The following PLCB1 variants were observed in gnomAD, a reference collection of about 807,000 sequenced individuals.
PLCB1 encodes the protein phospholipase C beta 1.
PLCB1 carries 46 observed loss-of-function variants against 161.8 expected under a neutral mutation model. The ratio of observed to expected loss-of-function variants is 0.28; its 90% CI spans 0.22 to 0.36. The LOEUF (loss-of-function observed/expected upper bound fraction) is 0.36. PLCB1 is among the 10% of genes least tolerant of loss of function. The pLI, the probability that PLCB1 is intolerant of heterozygous loss-of-function variation, is 1.00. For missense variants in PLCB1, 1,016 were observed against 1,472.5 expected (o/e 0.69, Z 5.07); for synonymous variants, 517 against 503.7 (o/e 1.03, Z -0.35).
At chr20:8,802,903 C>T (rs1045618938) in intron 31 of PLCB1, among the ~76,000 whole-genome samples, 4 of 152,154 alleles carry the variant, frequency 2.6e-5, no homozygotes, top group African/African-American at 4.8e-5. Flanking sequence ...TAGCATAAGC[C>T]ATTCCAAAGA....
chr20:8,730,978 C>G (rs910925963), intron 18 of PLCB1, among the ~76,000 whole-genome samples: 1 of 151,762 alleles, frequency 6.6e-6, no homozygotes, highest in African/African-American at 2.4e-5. Flanking sequence ...TTTTTAGACA[C>G]ACAAAGACAG....
chr20:8,531,204 A>G (rs1984798994), intron 3 of PLCB1, among the ~76,000 whole-genome samples: 2 of 152,082 alleles, frequency 1.3e-5, no homozygotes, highest in South Asian at 4.1e-4. Context: ...ATTGTTAACA[A>G]TTATTCAGAC....
At chr20:8,650,764 A>T (rs1271298733) in intron 7 of PLCB1, among the ~76,000 whole-genome samples, 3 of 152,220 alleles carry the variant, frequency 2.0e-5, no homozygotes, top group African/African-American at 7.2e-5. Flanking sequence ...TGTATAAGCT[A>T]TGTAAGCAAT....
Position 8,541,600 on chromosome 20 carries a change from G to GAAAGAAAGAAAGAAAGAAAT in PLCB1, c.247-86686_247-86685insAAAGAAAGAAATAAAGAAAG, listed in dbSNP as rs1292981718. Among the ~76,000 whole-genome samples the GAAAGAAAGAAAGAAAGAAAT allele has an allele frequency of 4.6e-3, 698 of 150,760 alleles. 10 individuals are homozygous for GAAAGAAAGAAAGAAAGAAAT. Among genetic ancestry groups the GAAAGAAAGAAAGAAAGAAAT allele is most frequent in the East Asian group, 0.012 (62 of 5,090 alleles). Reference sequence around the variant, plus strand: ...AGAAAGAAAGAAAGAAAGAAAGAAAGAAAGAAAGGAAGGAAGATAGTAATG... The same window carrying GAAAGAAAGAAAGAAAGAAAT: ...AGAAAGAAAGAAAGAAAGAAAGAAAGAAAGAAAGAAAGAAAGAAATAAAGAAAGGAAGGAAGATAGTAATG... On this transcript the variant is annotated intron_variant, in intron 3 of 31. Coordinates refer to ENST00000338037, the MANE Select transcript of PLCB1 (RefSeq NM_015192.4).
intron 3 of PLCB1, among the ~76,000 whole-genome samples, chr20:8,417,701 AT>A (rs1330248370): frequency 6.6e-5 from 10 of 152,208 alleles, no homozygotes; most frequent in Non-Finnish European, 1.3e-4. Context: ...TTGACTTGCT[AT>A]TTTATTCCTG....
chr20:8,649,419 T>A lies in PLCB1; in HGVS notation c.564T>A (p.Ala188=), dbSNP rs775374724. The change falls in exon 7 of 32, where the codon GCT becomes GCA. Residue 188 remains alanine (A), a synonymous_variant. Transcript: ENST00000338037. ...CAGATCGGAAGCGAGTTGAAACTGC[T>A]TTAGAGGCTTGTAGTCTTCCATCTT... ...FSADRKRVET[A]LEACSLPSSR... 28 of 1,613,228 alleles carry A rather than the reference T, an allele frequency of 1.7e-5. No individual in the cohort carries two copies. The highest frequency in any genetic ancestry group is 1.3e-4 in the East Asian group (6 of 44,870).
intron 3 of PLCB1, among the ~76,000 whole-genome samples, chr20:8,474,382 G>T (rs1230137937): frequency 6.6e-6 from 1 of 152,190 alleles, no homozygotes; most frequent in African/African-American, 2.4e-5. Context: ...AGGCTGAAAT[G>T]CTCTGAGGGA....
intron 3 of PLCB1, 196 bp downstream of exon 3, chr20:8,371,646 G>A (rs963191878): frequency 2.4e-5 from 10 of 421,398 alleles, no homozygotes; most frequent in Non-Finnish European, 3.4e-5. Flanking sequence ...TTGGACAGAG[G>A]GGCTTGCTTT....
chr20:8,316,145 A>G (rs1290810414), intron 2 of PLCB1, among the ~76,000 whole-genome samples: 3 of 152,184 alleles, frequency 2.0e-5, no homozygotes, highest in Non-Finnish European at 4.4e-5. Flanking sequence ...TATGTTTCTG[A>G]CACTGCTAAC....
At chr20:8,407,265 C>T (rs1298197430) in intron 3 of PLCB1, among the ~76,000 whole-genome samples, 1 of 152,086 alleles carries the variant, frequency 6.6e-6, no homozygotes, top group African/African-American at 2.4e-5. Context: ...AAAAAACTCC[C>T]CAGCCTTTAA....
intron 31 of PLCB1, among the ~76,000 whole-genome samples, chr20:8,819,147 T>G (rs2146261585): frequency 6.6e-6 from 1 of 152,152 alleles, no homozygotes; most frequent in East Asian, 1.9e-4. Context: ...ATGTAGTAAT[T>G]AAGATATTAG....
At chr20:8,858,259 T>A (rs1279555991) in intron 31 of PLCB1, among the ~76,000 whole-genome samples, 1 of 152,188 alleles carries the variant, frequency 6.6e-6, no homozygotes, top group Non-Finnish European at 1.5e-5. Context: ...CAAGCAGTTT[T>A]GGTAATGCGG....
At chr20:8,157,607 C>T (rs1418108010) in intron 2 of PLCB1, among the ~76,000 whole-genome samples, 1 of 152,114 alleles carries the variant, frequency 6.6e-6, no homozygotes, top group Non-Finnish European at 1.5e-5. Context: ...CTCTGGCTAG[C>T]ATAGAATAGA....
chr20:8,507,283 A>G (rs764073367), intron 3 of PLCB1, among the ~76,000 whole-genome samples: 4 of 152,150 alleles, frequency 2.6e-5, no homozygotes, highest in African/African-American at 4.8e-5. Flanking sequence ...AGAAAATCAG[A>G]ATATAAGTTA....
chr20:8,765,563 G>T (rs138121579), intron 26 of PLCB1, among the ~76,000 whole-genome samples: 166 of 152,236 alleles, frequency 1.1e-3, no homozygotes, highest in Middle Eastern at 3.4e-3. Flanking sequence ...GAATAAATAT[G>T]CAGGAAGTCC....
intron 26 of PLCB1, among the ~76,000 whole-genome samples, chr20:8,770,565 GT>G (rs1335581726): frequency 6.6e-6 from 1 of 152,166 alleles, no homozygotes; most frequent in Non-Finnish European, 1.5e-5. Context: ...AGAGCAGTTT[GT>G]TTTTATACAT....
intron 2 of PLCB1, among the ~76,000 whole-genome samples, chr20:8,162,162 A>T (rs527878749): frequency 6.6e-6 from 1 of 152,116 alleles, no homozygotes; most frequent in Non-Finnish European, 1.5e-5. Context: ...TGTTACAGGT[A>T]TTAGCTGTTT....
chr20:8,186,232 A>G (rs1194620530), intron 2 of PLCB1, among the ~76,000 whole-genome samples: 1 of 152,126 alleles, frequency 6.6e-6, no homozygotes, highest in African/African-American at 2.4e-5. Context: ...TCTGTTATGG[A>G]ATATACTCAG....
At chr20:8,539,969 C>T (rs1985242461) in intron 3 of PLCB1, among the ~76,000 whole-genome samples, 1 of 151,990 alleles carries the variant, frequency 6.6e-6, no homozygotes, top group South Asian at 2.1e-4. Context: ...CAGTCTTATT[C>T]CCCATTTGAC....
Sources: gnomAD v4.1 joint callset for allele counts (sites outside exome capture counted in the v4.1 genomes callset) on GRCh38, gnomAD v4.1.1 for gene constraint, MANE v1.5 for transcripts, NCBI Gene and HGNC (gene_info 2026-07-23, HGNC 2026-07-21) for gene names.